Variants in RXFP1 observed in about 807,000 individuals in gnomAD.
RXFP1 encodes relaxin receptor 1.
In RXFP1, 73 loss-of-function variants were observed where a neutral mutation model predicts 89.8. That is an observed-to-expected ratio of 0.81 (90% CI 0.67 to 0.99). The LOEUF is 0.99. Ranked by LOEUF, RXFP1 falls within the 50% of genes least tolerant of loss-of-function variation. The pLI is 0.00. For synonymous variants in RXFP1, 277 were observed against 305.5 expected, an observed-to-expected ratio of 0.91 and a Z score of 0.97; for missense variants, 793 against 895.5, an observed-to-expected ratio of 0.89 and a Z score of 1.46.
intron 9 of RXFP1, among the ~76,000 whole-genome samples, chr4:158,618,707 G>A (rs1040974678): frequency 6.6e-6 from 1 of 151,990 alleles, no homozygotes. Context: ...CTCTGATTTA[G>A]GGGAAAAATA....
intron 1 of RXFP1, among the ~76,000 whole-genome samples, chr4:158,540,762 C>T (rs879760254): frequency 1.3e-5 from 2 of 152,042 alleles, no homozygotes; most frequent in East Asian, 3.8e-4. Flanking sequence ...CTCCCTGCCC[C>T]GCAGCAGCCA....
intron 1 of RXFP1, among the ~76,000 whole-genome samples, chr4:158,549,274 G>T (rs1418495825): frequency 6.6e-6 from 1 of 152,096 alleles, no homozygotes; most frequent in Non-Finnish European, 1.5e-5. Flanking sequence ...TCTTCACGTA[G>T]TTCTCGAGCC....
chr4:158,570,465 G>A (rs1754808277), intron 1 of RXFP1, among the ~76,000 whole-genome samples: 1 of 152,168 alleles, frequency 6.6e-6, no homozygotes, highest in South Asian at 2.1e-4. Context: ...CCCCCAGAGA[G>A]TCTCAGTGGT....
At chr4:158,540,234 C>T (rs1206589278) in intron 1 of RXFP1, among the ~76,000 whole-genome samples, 5 of 152,066 alleles carry the variant, frequency 3.3e-5, no homozygotes, top group Non-Finnish European at 5.9e-5. Flanking sequence ...ATGGGCTGCT[C>T]AGCAGCTTAT....
At chr4:158,615,450 C>T (rs1015559878) in intron 8 of RXFP1, among the ~76,000 whole-genome samples, 7 of 151,854 alleles carry the variant, frequency 4.6e-5, no homozygotes, top group Non-Finnish European at 5.9e-5. Context: ...GCAGGAGAAT[C>T]GCTTGAACCT....
chr4:158,627,635 C>T (rs1309262250), intron 10 of RXFP1, among the ~76,000 whole-genome samples: 1 of 151,618 alleles, frequency 6.6e-6, no homozygotes, highest in Non-Finnish European at 1.5e-5. Context: ...TACACAGGAC[C>T]CCTGTATATA....
At chr4:158,602,305 T>G (rs1436814414) in intron 4 of RXFP1, among the ~76,000 whole-genome samples, 1 of 152,196 alleles carries the variant, frequency 6.6e-6, no homozygotes, top group Non-Finnish European at 1.5e-5. Flanking sequence ...TTAGAGGTCT[T>G]TCAATGAGCC....
In RXFP1 at chr4:158,633,439, C is replaced by T. The variant is rs752752491; in HGVS notation, c.934C>T (p.Pro312Ser). Residue 312 changes from proline to serine, a missense_variant, in exon 12 of 18, where the codon CCG becomes TCG. By Grantham distance (74) the Pro-to-Ser change is moderately conservative (BLOSUM62 -1). Coordinates refer to ENST00000307765, the MANE Select transcript of RXFP1 (RefSeq NM_021634.4). ...LGSNKIENLP[P>S]LIFKDLKELS... Reference sequence around the variant, plus strand: ...AAGTAATAAGATTGAAAATCTTCCACCGCTTATATTCAAGGACCTGAAGGA... The same window carrying T: ...AAGTAATAAGATTGAAAATCTTCCATCGCTTATATTCAAGGACCTGAAGGA... 1.8e-5 allele frequency: 29 copies of T among 1,603,710 alleles called. No individual in the cohort carries two copies. The highest frequency in any genetic ancestry group is 2.7e-5 in the African/African-American group (2 of 74,598).
chr4:158,595,785 G>T (rs1197209897), intron 3 of RXFP1, among the ~76,000 whole-genome samples: 2 of 152,046 alleles, frequency 1.3e-5, no homozygotes, highest in Non-Finnish European at 2.9e-5. Context: ...AGATTCACAG[G>T]GTACTCAGCA....
At chr4:158,633,594 CA>C in intron 12 of RXFP1, 118 bp downstream of exon 12, 3 of 571,962 alleles carry the variant, frequency 5.2e-6, no homozygotes, top group Non-Finnish European at 9.1e-6. Flanking sequence ...GCATTAGCTA[CA>C]TTCACATTGC....
intron 2 of RXFP1, among the ~76,000 whole-genome samples, chr4:158,575,803 A>T (rs1269487629): frequency 6.6e-6 from 1 of 152,250 alleles, no homozygotes; most frequent in Non-Finnish European, 1.5e-5. Flanking sequence ...TAGGACATGA[A>T]ATTAGCACTC....
Position 158,605,100 on chromosome 4 carries a change from C to T in RXFP1, c.425C>T (p.Pro142Leu). The T allele has an allele frequency of 1.3e-6, 2 of 1,594,654 alleles. No homozygotes were observed. The highest frequency in any genetic ancestry group is 2.2e-5 in the South Asian group (2 of 88,924). Residue 142 changes from proline (P) to leucine (L), a missense_variant, in exon 5 of 18, where the codon CCT becomes CTT. Coordinates refer to ENST00000307765, the MANE Select transcript of RXFP1 (RefSeq NM_021634.4). The part of the protein sequence containing the change: ...SLQWNLIRKL[P>L]PDCFKNYHDL... ...CAGTGGAACTTAATAAGAAAGCTTC[C>T]TCCTGATTGCTTCAAGAATTATCAT... is the stretch of plus-strand genomic sequence containing the variant.
At chr4:158,559,535 T>C (rs957976127) in intron 1 of RXFP1, among the ~76,000 whole-genome samples, 3 of 152,180 alleles carry the variant, frequency 2.0e-5, no homozygotes, top group African/African-American at 7.2e-5. Context: ...ACTGAGCTTT[T>C]TTCCCCTATA....
intron 1 of RXFP1, among the ~76,000 whole-genome samples, chr4:158,569,523 T>C (rs1275662411): frequency 6.6e-6 from 1 of 152,202 alleles, no homozygotes; most frequent in Non-Finnish European, 1.5e-5. Flanking sequence ...GCAGGGACTA[T>C]ATGGGCACTC....
chr4:158,604,793 A>G (rs998148435), intron 4 of RXFP1, among the ~76,000 whole-genome samples: 2 of 152,218 alleles, frequency 1.3e-5, no homozygotes, highest in Admixed American at 6.5e-5. Flanking sequence ...AAAGAAAAAC[A>G]TAACTGAAAA....
At chr4:158,594,881 G>A (rs933438453) in intron 3 of RXFP1, among the ~76,000 whole-genome samples, 1 of 152,020 alleles carries the variant, frequency 6.6e-6, no homozygotes, top group South Asian at 2.1e-4. Context: ...TTAACAATAT[G>A]TCTGAATAAT....
chr4:158,648,432 A>C, intron 16 of RXFP1, 67 bp from the exon 17 acceptor site: 2 of 950,660 alleles, frequency 2.1e-6, no homozygotes, highest in South Asian at 2.0e-5. Flanking sequence ...AAAATGTTTT[A>C]TTTATGTTTG....
At chr4:158,567,874 A>G (rs1753966921) in intron 1 of RXFP1, among the ~76,000 whole-genome samples, 2 of 152,354 alleles carry the variant, frequency 1.3e-5, no homozygotes, top group Admixed American at 6.5e-5. Flanking sequence ...CCAAGTCAGC[A>G]GTGGCAACCC....
intron 9 of RXFP1, among the ~76,000 whole-genome samples, chr4:158,626,148 A>ATAGATATATAGT (rs1766748435): frequency 6.7e-6 from 1 of 149,644 alleles, no homozygotes; most frequent in African/African-American, 2.5e-5. Flanking sequence ...AGATAGATAG[A>ATAGATATATAGT]TAGATAGATA....
Sources: allele counts gnomAD v4.1 joint callset (sites outside exome capture counted in the v4.1 genomes callset), GRCh38; gene constraint gnomAD v4.1.1; transcripts MANE v1.5; gene names NCBI Gene and HGNC (gene_info 2026-07-23, HGNC 2026-07-21).